The following PREX2 variants were observed in gnomAD, a reference collection of about 807,000 sequenced individuals.
PREX2 encodes the protein phosphatidylinositol-3,4,5-trisphosphate dependent Rac exchange factor 2.
Under a neutral mutation model 203.2 loss-of-function variants are expected in PREX2, and 107 were observed. That is an observed-to-expected ratio of 0.53 (90% CI 0.45 to 0.62). The LOEUF (loss-of-function observed/expected upper bound fraction) is 0.62. PREX2 is among the 20% of genes least tolerant of loss of function. The pLI is 0.00. For synonymous variants in PREX2, 672 were observed against 663.6 expected (o/e 1.01, Z -0.19); for missense variants, 1,777 against 1,955.9 (o/e 0.91, Z 1.72).
At chr8:68,102,663 TA>T (rs1250446576) in intron 23 of PREX2, among the ~76,000 whole-genome samples, 5 of 152,212 alleles carry the variant, frequency 3.3e-5, no homozygotes, top group Non-Finnish European at 7.3e-5. Flanking sequence ...TTTTGTGAAA[TA>T]AAATGTATCC....
At chr8:68,174,210 C>T (rs1811936447) in intron 35 of PREX2, among the ~76,000 whole-genome samples, 1 of 152,160 alleles carries the variant, frequency 6.6e-6, no homozygotes. Context: ...TTTATCCCTG[C>T]ACCTGTCAGG....
At chr8:68,135,099 T>TG (rs58263470) in intron 32 of PREX2, among the ~76,000 whole-genome samples, 36 of 148,902 alleles carry the variant, frequency 2.4e-4, no homozygotes, top group Non-Finnish European at 4.6e-4. Flanking sequence ...AAAACAAATT[T>TG]TGTGTGTGTG....
rs7813577 is a variant in PREX2 at position 68,055,823 on chromosome 8, T to C, written c.1094-7T>C. 1,468 of 1,607,416 alleles carry C rather than the reference T, an allele frequency of 9.1e-4. 14 individuals are homozygous for C. In the African/African-American group the frequency reaches 0.018, roughly 20 times the overall value. On this transcript the variant is annotated splice_polypyrimidine_tract_variant and splice_region_variant and intron_variant, in intron 9 of 39. Coordinates refer to ENST00000288368, the MANE Select transcript of PREX2 (RefSeq NM_024870.4). ...CAGTTACCTCTCCTTTCTTTCATTT[T>C]TGATAGGTTTAAAATTAGGAATGGA...
rs1032069587 is a variant in PREX2, at chr8:68,209,287, C to T, written c.4605-8329C>T. On this transcript the variant is annotated intron_variant, in intron 37 of 39. Coordinates refer to ENST00000288368, the MANE Select transcript of PREX2 (RefSeq NM_024870.4). ...CAGCTTAGTAAAGTATCATAGACAACCACATCTGATTAGATTACTAATAAC... is the reference window on the plus strand; with the variant it reads ...CAGCTTAGTAAAGTATCATAGACAATCACATCTGATTAGATTACTAATAAC... 5.0e-4 allele frequency among the ~76,000 whole-genome samples: 76 copies of T among 151,980 alleles called. 2 individuals carry two copies. Among genetic ancestry groups the T allele is most frequent in the Non-Finnish European group, 1.8e-4 (12 of 67,998 alleles).
intron 7 of PREX2, among the ~76,000 whole-genome samples, chr8:68,040,979 T>C (rs1808179009): frequency 6.6e-6 from 1 of 152,230 alleles, no homozygotes; most frequent in African/African-American, 2.4e-5. Flanking sequence ...TCTTACTTTA[T>C]GGGATGTTTC....
In PREX2 at chr8:68,236,453, T is replaced by G. The variant is rs529100791; in HGVS notation, c.*5075T>G. ...ACCTTCGTGGTGTCTCTGTGTGTTA[T>G]TGATCATCTGTGTCTTTTGCTTAAA... is the stretch of plus-strand genomic sequence containing the variant. On this transcript the variant is annotated 3_prime_UTR_variant, in exon 40 of 40. Transcript: ENST00000288368. 1.3e-5 allele frequency: 2 copies of G among 152,178 alleles called. No individual in the cohort carries two copies. Among genetic ancestry groups the G allele is most frequent in the Non-Finnish European group, 2.9e-5 (2 of 68,022 alleles). The allele number at this position is 152,178 out of a possible 1,614,324, so 9.4% of individuals were successfully genotyped here.
At chr8:68,219,232 G>C (rs940915225) in intron 38 of PREX2, among the ~76,000 whole-genome samples, 1 of 151,992 alleles carries the variant, frequency 6.6e-6, no homozygotes, top group Non-Finnish European at 1.5e-5. Context: ...CATTTCTACT[G>C]TATAGATTTG....
intron 37 of PREX2, among the ~76,000 whole-genome samples, chr8:68,199,364 C>T (rs576467127): frequency 7.9e-5 from 12 of 152,294 alleles, no homozygotes; most frequent in African/African-American, 2.9e-4. Context: ...CCCCAAAATG[C>T]ACTTATTAGT....
intron 1 of PREX2, among the ~76,000 whole-genome samples, chr8:68,010,754 C>T (rs570581075): frequency 9.9e-5 from 15 of 152,190 alleles, no homozygotes; most frequent in Admixed American, 3.3e-4. Flanking sequence ...TGTTTGAGTG[C>T]GTATTTCTAG....
At chr8:68,048,189 T>A (rs911044937) in intron 8 of PREX2, among the ~76,000 whole-genome samples, 1 of 152,088 alleles carries the variant, frequency 6.6e-6, no homozygotes, top group Non-Finnish European at 1.5e-5. Context: ...TCTTTCTGGG[T>A]CTACTAGTTT....
At chr8:68,036,358 A>G (rs1033202766) in intron 6 of PREX2, among the ~76,000 whole-genome samples, 4 of 152,212 alleles carry the variant, frequency 2.6e-5, no homozygotes, top group African/African-American at 9.6e-5. Flanking sequence ...TTAAGAATGC[A>G]TCTACTAATA....
At chr8:68,189,751 T>C (rs1009292924) in intron 35 of PREX2, among the ~76,000 whole-genome samples, 3 of 152,138 alleles carry the variant, frequency 2.0e-5, no homozygotes, top group African/African-American at 7.2e-5. Context: ...CAGTGTTATG[T>C]GCTTAGGCTG....
Position 68,233,208 on chromosome 8 carries a change from G to A in PREX2, c.*1830G>A, listed in dbSNP as rs938179106. On this transcript the variant is annotated 3_prime_UTR_variant, in exon 40 of 40. Coordinates refer to ENST00000288368, the MANE Select transcript of PREX2 (RefSeq NM_024870.4). ...ATATCTTTACAAAAATAACCTTCAA[G>A]GATTTAACATTTGTAGGACTAATAA... 1 of 152,084 alleles carries A rather than the reference G, an allele frequency of 6.6e-6. No homozygotes were observed. The highest frequency in any genetic ancestry group is 1.9e-4 in the East Asian group (1 of 5,182). 9.4% of individuals were successfully genotyped at this position (152,084 alleles called of 1,614,324 possible).
intron 11 of PREX2, among the ~76,000 whole-genome samples, chr8:68,067,824 T>C (rs944733266): frequency 6.6e-6 from 1 of 152,108 alleles, no homozygotes; most frequent in Non-Finnish European, 1.5e-5. Context: ...CTTTTGACCA[T>C]TGAGTATTAT....
In PREX2 at chr8:68,165,626, G is replaced by T. The variant is rs1811746234; in HGVS notation, c.4346+8190G>T. 7.9e-5 allele frequency among the ~76,000 whole-genome samples: 12 copies of T among 152,158 alleles called. No homozygotes were observed. In the South Asian group the frequency reaches 2.5e-3, roughly 32 times the overall value. On this transcript the variant is annotated intron_variant, in intron 35 of 39. Coordinates refer to ENST00000288368, the MANE Select transcript of PREX2 (RefSeq NM_024870.4). Reference sequence around the variant, plus strand: ...TCCCTGTGGTGGTGGTGATGGGTATGTACTGTTTACCTCCTGAATGGAGGC... The same window carrying T: ...TCCCTGTGGTGGTGGTGATGGGTATTTACTGTTTACCTCCTGAATGGAGGC...
At chr8:68,158,614 A>T (rs938668937) in intron 35 of PREX2, among the ~76,000 whole-genome samples, 1 of 152,162 alleles carries the variant, frequency 6.6e-6, no homozygotes, top group African/African-American at 2.4e-5. Flanking sequence ...TTGTAGCATC[A>T]AGTGTGGCAT....
At chr8:68,033,934 T>G (rs1807956946) in intron 6 of PREX2, among the ~76,000 whole-genome samples, 1 of 152,176 alleles carries the variant, frequency 6.6e-6, no homozygotes, top group Non-Finnish European at 1.5e-5. Context: ...AAATAACAGG[T>G]GACAACATTT....
At chr8:68,042,746 T>C (rs889256646) in intron 7 of PREX2, among the ~76,000 whole-genome samples, 14 of 152,094 alleles carry the variant, frequency 9.2e-5, no homozygotes, top group Non-Finnish European at 1.6e-4. Flanking sequence ...TAAGCTTCAG[T>C]AGAGTCATTT....
At position 68,157,087 on chromosome 8, in the gene PREX2, A is replaced by G. The variant is rs966403193; in HGVS notation, c.4232-235A>G. ...ATACAAAATGTTTTAAAAATAGAGG[A>G]CAGTTAAACCAGAAATTTTCTTTGC... On this transcript the variant is annotated intron_variant, in intron 34 of 39. Coordinates refer to ENST00000288368, the MANE Select transcript of PREX2 (RefSeq NM_024870.4). Among the ~76,000 whole-genome samples, 5 of 152,280 alleles carry G rather than the reference A, an allele frequency of 3.3e-5. No homozygotes were observed. In the East Asian group the frequency reaches 9.6e-4, roughly 29 times the overall value.
Sources: allele counts gnomAD v4.1 joint callset (sites outside exome capture counted in the v4.1 genomes callset), GRCh38; gene constraint gnomAD v4.1.1; transcripts MANE v1.5; gene names NCBI Gene and HGNC (gene_info 2026-07-23, HGNC 2026-07-21).